WDPCP: variants seen among roughly 807,000 people sequenced by gnomAD.
WDPCP encodes the protein WD repeat containing planar cell polarity effector, also known as WD repeat-containing and planar cell polarity effector protein fritz homolog.
In WDPCP, 71 loss-of-function variants were observed where a neutral mutation model predicts 93.1. That is an observed-to-expected ratio of 0.76 (90% confidence interval 0.63 to 0.93). The LOEUF (loss-of-function observed/expected upper bound fraction) is 0.93. Ranked by LOEUF, WDPCP falls within the 40% of genes least tolerant of loss-of-function variation. The pLI is 0.00. For missense variants in WDPCP, 844 were observed against 887.4 expected (o/e 0.95, Z 0.62); for synonymous variants, 315 against 315.0 (o/e 1.00, Z 0.00).
chr2:63,427,567 T>A (rs1696417974), intron 9 of WDPCP, among the ~76,000 whole-genome samples: 1 of 151,990 alleles, frequency 6.6e-6, no homozygotes, highest in Admixed American at 6.5e-5. Context: ...ACATACAAAA[T>A]CTCTGGGTGA....
chr2:63,550,928 T>A (rs1374466997), intron 1 of WDPCP, among the ~76,000 whole-genome samples: 2 of 152,136 alleles, frequency 1.3e-5, no homozygotes, highest in South Asian at 2.1e-4. Context: ...CAAACCTGTC[T>A]ATTTTCCTGT....
Position 63,412,186 on chromosome 2 carries a change from C to T in WDPCP, c.826-7529G>A, listed in dbSNP as rs1033355468. ...TATCGAAAAGGTAATCCACCATGAT[C>T]AAGTGGGTTTCATACCAGGGATGCA... is the stretch of plus-strand genomic sequence containing the variant. On this transcript the variant is annotated intron_variant, in intron 9 of 17. Transcript: ENST00000272321. Among the ~76,000 whole-genome samples the T allele has an allele frequency of 3.9e-5, 6 of 152,280 alleles. 1 individual carries two copies. Among genetic ancestry groups the T allele is most frequent in the South Asian group, 4.1e-4 (2 of 4,826 alleles).
intron 3 of WDPCP, among the ~76,000 whole-genome samples, chr2:63,626,881 G>A (rs1414199715): frequency 6.6e-6 from 1 of 151,804 alleles, no homozygotes. Context: ...TGTAGATGAC[G>A]GGTTGATGGG....
intron 3 of WDPCP, among the ~76,000 whole-genome samples, chr2:63,602,352 T>G (rs1344131800): frequency 1.4e-5 from 2 of 145,398 alleles, no homozygotes; most frequent in Non-Finnish European, 3.0e-5. Context: ...TTGGGGTTTT[T>G]TTTTTTTTTT....
intron 1 of WDPCP, among the ~76,000 whole-genome samples, chr2:63,527,586 A>G (rs2106206215): frequency 6.6e-6 from 1 of 152,038 alleles, no homozygotes; most frequent in African/African-American, 2.4e-5. Flanking sequence ...TCCATGGTGT[A>G]TATGTGCCAC....
intron 2 of WDPCP, among the ~76,000 whole-genome samples, chr2:63,711,803 T>C (rs950056356): frequency 1.3e-5 from 2 of 152,160 alleles, no homozygotes; most frequent in African/African-American, 4.8e-5. Context: ...TAGCTTCTAA[T>C]GGATTAGGTA....
chr2:63,572,669 C>A (rs1307528230), intron 1 of WDPCP, among the ~76,000 whole-genome samples: 6 of 102,034 alleles, frequency 5.9e-5, no homozygotes, highest in African/African-American at 2.3e-4. Flanking sequence ...CACCACTGTA[C>A]TCCAGCTGGG....
chr2:63,258,003 T>C (rs1681282524), intron 14 of WDPCP, among the ~76,000 whole-genome samples: 2 of 152,164 alleles, frequency 1.3e-5, no homozygotes, highest in Non-Finnish European at 2.9e-5. Context: ...AACGTCATCA[T>C]TCCTATAAAC....
chr2:63,557,337 C>CA (rs1706207029), intron 1 of WDPCP, among the ~76,000 whole-genome samples: 1 of 151,764 alleles, frequency 6.6e-6, no homozygotes, highest in Non-Finnish European at 1.5e-5. Flanking sequence ...AAATGGAAAG[C>CA]AAAAAAAGCA....
chr2:63,215,646 A>C (rs550675258), intron 14 of WDPCP, among the ~76,000 whole-genome samples: 1 of 152,362 alleles, frequency 6.6e-6, no homozygotes, highest in East Asian at 1.9e-4. Context: ...GGACATAGGC[A>C]TGGGCAAGGA....
At chr2:63,574,765 C>T (rs1020320663) in intron 1 of WDPCP, among the ~76,000 whole-genome samples, 1 of 152,110 alleles carries the variant, frequency 6.6e-6, no homozygotes, top group Non-Finnish European at 1.5e-5. Context: ...CTGTCATTGA[C>T]TAGGCCATGC....
At chr2:63,477,378 A>G (rs114953642) in intron 6 of WDPCP, among the ~76,000 whole-genome samples, 2 of 152,296 alleles carry the variant, frequency 1.3e-5, no homozygotes, top group East Asian at 3.9e-4. Context: ...CTAAAACTAT[A>G]TATCTCATAC....
chr2:63,171,047 T>C (rs1673353719), intron 15 of WDPCP, among the ~76,000 whole-genome samples: 1 of 152,076 alleles, frequency 6.6e-6, no homozygotes, highest in South Asian at 2.1e-4. Context: ...TAGACCCTTA[T>C]TCACATCCTA....
chr2:63,383,459 A>T (rs946825242), intron 10 of WDPCP, among the ~76,000 whole-genome samples: 1 of 152,206 alleles, frequency 6.6e-6, no homozygotes, highest in Non-Finnish European at 1.5e-5. Context: ...TCATGCCAGT[A>T]ATCTGAGCAC....
At chr2:63,304,190 T>C (rs899996281) in intron 13 of WDPCP, among the ~76,000 whole-genome samples, 4 of 152,204 alleles carry the variant, frequency 2.6e-5, no homozygotes, top group Non-Finnish European at 4.4e-5. Flanking sequence ...TGCACTCATA[T>C]GTTTATTGCA....
intron 13 of WDPCP, among the ~76,000 whole-genome samples, chr2:63,280,625 A>C (rs1366880321): frequency 6.6e-6 from 1 of 152,246 alleles, no homozygotes; most frequent in Non-Finnish European, 1.5e-5. Context: ...TGGTATAAAA[A>C]TAGGCACATA....
chr2:63,321,256 A>G (rs1282388841), intron 12 of WDPCP, among the ~76,000 whole-genome samples: 1 of 152,098 alleles, frequency 6.6e-6, no homozygotes, highest in Non-Finnish European at 1.5e-5. Flanking sequence ...GATGATCTCT[A>G]TATTCATGTA....
chr2:63,448,474 A>G (rs1698014191), intron 6 of WDPCP, among the ~76,000 whole-genome samples: 1 of 150,724 alleles, frequency 6.6e-6, no homozygotes, highest in Admixed American at 6.6e-5. Context: ...ACACACCCTT[A>G]ATATGCAATG....
At chr2:63,481,422 C>T (rs180865203) in intron 6 of WDPCP, among the ~76,000 whole-genome samples, 50 of 151,964 alleles carry the variant, frequency 3.3e-4, no homozygotes, top group African/African-American at 1.0e-3. Context: ...AGTCATTATA[C>T]GAAAAAGATA....
Sources: allele counts gnomAD v4.1 joint callset (sites outside exome capture counted in the v4.1 genomes callset), GRCh38; gene constraint gnomAD v4.1.1; transcripts MANE v1.5; gene names NCBI Gene and HGNC (gene_info 2026-07-23, HGNC 2026-07-21).